The following CEP164 variants were observed in gnomAD, a reference collection of about 807,000 sequenced individuals.
CEP164 encodes centrosomal protein 164, also known as centrosomal protein of 164 kDa.
A neutral mutation model predicts 182.7 loss-of-function variants in CEP164; 162 were observed. The ratio of observed to expected loss-of-function variants is 0.89; its 90% CI spans 0.78 to 1.01. The LOEUF (loss-of-function observed/expected upper bound fraction) is 1.01, where lower values mean the gene tolerates loss of function less well. Among genes scored for constraint, CEP164 ranks in the 50% least tolerant of loss-of-function variants. The pLI is 0.00. For synonymous variants in CEP164, 661 were observed against 690.0 expected (o/e 0.96, Z 0.66); for missense variants, 1,735 against 1,790.4 (o/e 0.97, Z 0.56).
In CEP164 at chr11:117,394,360, A is replaced by G. The variant is rs752659513; in HGVS notation, c.2627A>G (p.Gln876Arg). ...REQYEAEERK[Q>R]RAELLGHLTG... Reference sequence around the variant, plus strand: ...CCACCCTCCTTGCAGGAGAGGAAGCAGCGGGCTGAGCTTCTGGGGCACCTG... The same window carrying G: ...CCACCCTCCTTGCAGGAGAGGAAGCGGCGGGCTGAGCTTCTGGGGCACCTG... The change falls in exon 21 of 33, where the codon CAG (glutamine) becomes CGG (arginine). Residue 876 changes from glutamine (Q) to arginine (R), a missense_variant. Gln to Arg is a conservative substitution (Grantham distance 43, BLOSUM62 1). Coordinates refer to ENST00000278935, the MANE Select transcript of CEP164 (RefSeq NM_014956.5). This position sits in a 1 kb window ranked among gnomAD's most constrained non-coding sequence, Gnocchi z 4.0. 71 of 1,600,960 alleles carry G rather than the reference A, an allele frequency of 4.4e-5. No individual in the cohort carries two copies. The South Asian group carries it at 7.0e-4, about 16-fold the overall frequency.
At chr11:117,348,045 C>T (rs900180493) in intron 4 of CEP164, among the ~76,000 whole-genome samples, 7 of 152,044 alleles carry the variant, frequency 4.6e-5, no homozygotes, top group Non-Finnish European at 7.4e-5. Context: ...TCATGACTCA[C>T]GGCACCCTCT....
chr11:117,404,546 C>A (rs1309097723), intron 27 of CEP164, among the ~76,000 whole-genome samples: 1 of 152,172 alleles, frequency 6.6e-6, no homozygotes, highest in African/African-American at 2.4e-5. Context: ...GAGGGGCACC[C>A]ACCAGATGCC....
chr11:117,396,089 T>C lies in CEP164; in HGVS notation c.3125T>C (p.Leu1042Pro). ...LEAEAQKKQH[L>P]LREVTVEENN... ...GCTGAAGCTCAAAAGAAGCAGCACC[T>C]GTTGAGAGAAGTGACAGTTGAGGAA... The change falls in exon 25 of 33, where the codon CTG becomes CCG. Residue 1042 changes from leucine (L) to proline (P), a missense_variant. Leu to Pro is a moderately conservative substitution (Grantham distance 98, BLOSUM62 -3). Transcript: ENST00000278935. 6.2e-7 allele frequency: 1 copy of C among 1,614,088 alleles called. No homozygotes were observed. Among genetic ancestry groups the C allele is most frequent in the Non-Finnish European group, 8.5e-7 (1 of 1,180,000 alleles).
chr11:117,343,237 G>A (rs2038377002), intron 3 of CEP164, among the ~76,000 whole-genome samples: 1 of 152,248 alleles, frequency 6.6e-6, no homozygotes, highest in Non-Finnish European at 1.5e-5. Flanking sequence ...CTTAATGGAA[G>A]GGAGGGTTCA....
intron 15 of CEP164, among the ~76,000 whole-genome samples, chr11:117,388,978 G>T (rs1192682610): frequency 6.6e-6 from 1 of 151,662 alleles, no homozygotes; most frequent in African/African-American, 2.4e-5. Context: ...CACTGGGTTA[G>T]CCAGGATGGT....
intron 3 of CEP164, among the ~76,000 whole-genome samples, chr11:117,342,896 A>G (rs1287650218): frequency 6.6e-6 from 1 of 151,854 alleles, no homozygotes; most frequent in Non-Finnish European, 1.5e-5. Context: ...TTTGTTTGAG[A>G]TGAAGTCTTG....
chr11:117,407,820 G>A, intron 27 of CEP164, 105 bp from the exon 28 acceptor site: 3 of 707,082 alleles, frequency 4.2e-6, no homozygotes, highest in Admixed American at 2.5e-5. Context: ...TGAGAAAGCA[G>A]ACTATAGTAA....
intron 27 of CEP164, among the ~76,000 whole-genome samples, chr11:117,398,292 G>T (rs2045728094): frequency 6.6e-6 from 1 of 152,204 alleles, no homozygotes; most frequent in Non-Finnish European, 1.5e-5. Context: ...GCTTTGCAGG[G>T]TACAGCAATG....
At chr11:117,357,773 C>T (rs1210100163) in intron 5 of CEP164, among the ~76,000 whole-genome samples, 1 of 151,618 alleles carries the variant, frequency 6.6e-6, no homozygotes, top group Non-Finnish European at 1.5e-5. Context: ...TCTCTGCCAT[C>T]CAGTGAGCTG....
intron 11 of CEP164, among the ~76,000 whole-genome samples, chr11:117,379,798 C>G (rs2043122038): frequency 6.7e-6 from 1 of 150,006 alleles, no homozygotes; most frequent in Admixed American, 6.6e-5. Flanking sequence ...ATGAATATTT[C>G]TCCCCTCCAG....
rs530136327 is a variant in CEP164 at position 117,363,456 on chromosome 11, A to G, written c.715A>G (p.Arg239Gly). 6.2e-7 allele frequency: 1 copy of G among 1,614,078 alleles called. No individual in the cohort carries two copies. Among genetic ancestry groups the G allele is most frequent in the African/African-American group, 1.3e-5 (1 of 75,056 alleles). ...QSVHSSSEPL[R>G]NLHLDIGALG... is the part of the protein sequence containing the mutation. Reference sequence around the variant, plus strand: ...TGTCCACAGCTCAAGTGAGCCTCTTAGGAACCTACACCTGGACATTGGGGC... The same window carrying G: ...TGTCCACAGCTCAAGTGAGCCTCTTGGGAACCTACACCTGGACATTGGGGC... Residue 239 changes from arginine to glycine, a missense_variant, in exon 8 of 33, where the codon AGG becomes GGG. Coordinates refer to ENST00000278935, the MANE Select transcript of CEP164 (RefSeq NM_014956.5).
intron 5 of CEP164, among the ~76,000 whole-genome samples, chr11:117,361,503 G>A (rs920205648): frequency 1.3e-5 from 2 of 152,020 alleles, no homozygotes; most frequent in African/African-American, 4.8e-5. Context: ...GCCTCCCAAA[G>A]TGGTAGGATT....
chr11:117,323,765 G>A (rs1003361721), upstream of CEP164: 1 of 224,978 alleles, frequency 4.4e-6, no homozygotes, highest in African/African-American at 2.3e-5. Flanking sequence ...GTTTTCCTTT[G>A]TCTGTTTTAT....
chr11:117,377,942 C>G (rs187089215), intron 11 of CEP164, among the ~76,000 whole-genome samples: 1 of 152,074 alleles, frequency 6.6e-6, no homozygotes, highest in Non-Finnish European at 1.5e-5. Context: ...TCACTGCAAC[C>G]TCCATCTCCT....
At position 117,394,338 on chromosome 11, in the gene CEP164, C is replaced by T. The variant is rs767325024; in HGVS notation, c.2617-12C>T. ...CCGCAGCTTCCCACCGGTGGGCCCACCCTCCTTGCAGGAGAGGAAGCAGCG... is the reference window on the plus strand; with the variant it reads ...CCGCAGCTTCCCACCGGTGGGCCCATCCTCCTTGCAGGAGAGGAAGCAGCG... On this transcript the variant is annotated splice_polypyrimidine_tract_variant and intron_variant, in intron 20 of 32. Coordinates refer to ENST00000278935, the MANE Select transcript of CEP164 (RefSeq NM_014956.5). The surrounding 1 kb of genome is among the most constrained non-coding windows in gnomAD (Gnocchi z 4.0). The T allele has an allele frequency of 1.9e-6, 3 of 1,586,610 alleles. No individual in the cohort carries two copies. The highest frequency in any genetic ancestry group is 1.7e-6 in the Non-Finnish European group (2 of 1,166,660).
chr11:117,382,031 G>A (rs1362515528), intron 13 of CEP164, among the ~76,000 whole-genome samples, 163 bp downstream of exon 13: 1 of 152,132 alleles, frequency 6.6e-6, no homozygotes, highest in Non-Finnish European at 1.5e-5. Context: ...AGCAGCAGAG[G>A]CTCTGCTTAG....
rs2042669971 is a variant in CEP164, at chr11:117,375,708, G to A, written c.1234G>A (p.Asp412Asn). 5 of 1,614,114 alleles carry A rather than the reference G, an allele frequency of 3.1e-6. No homozygotes were observed. Among genetic ancestry groups the A allele is most frequent in the Non-Finnish European group, 4.2e-6 (5 of 1,179,992 alleles). Residue 412 changes from aspartate (D) to asparagine (N), a missense_variant and splice_region_variant, in exon 11 of 33, where the codon GAC becomes AAC. Physicochemically the swap from Asp to Asn is conservative, Grantham distance 23. Coordinates refer to ENST00000278935, the MANE Select transcript of CEP164 (RefSeq NM_014956.5). ...ACCTTTGCATCTCCACTGTCTCCAG[G>A]ACTTCGGTTTTCGCAGCCGGATCTC... ...ASDPKSFHGLDFGFRSRISEH... is the reference protein window; with the variant it reads ...ASDPKSFHGLNFGFRSRISEH...
At chr11:117,396,497 C>G in intron 25 of CEP164, 53 bp from the exon 26 acceptor site, 1 of 1,462,060 alleles carries the variant, frequency 6.8e-7, no homozygotes, top group Admixed American at 1.7e-5. Flanking sequence ...CTTGAACCTG[C>G]AGGGTGTCTG....
rs2045107088 is a variant in CEP164 at position 117,394,209 on chromosome 11, C to T, written c.2617-141C>T. The T allele has an allele frequency of 1.2e-5, 14 of 1,157,546 alleles. No individual in the cohort carries two copies. In the South Asian group the frequency reaches 2.0e-4, roughly 16 times the overall value. The allele number at this position is 1,157,546 out of a possible 1,614,324, so 71.7% of individuals were successfully genotyped here. On this transcript the variant is annotated intron_variant, in intron 20 of 32. Transcript: ENST00000278935. The surrounding 1 kb of genome is among the most constrained non-coding windows in gnomAD (Gnocchi z 4.0). ...GGCCGGTGCTGTGCTTGTAACCCTC[C>T]TCTTCTCCAAGAGCTGGCTTTAGGG...
Sources: allele counts gnomAD v4.1 joint callset (sites outside exome capture counted in the v4.1 genomes callset), GRCh38; gene constraint gnomAD v4.1.1; non-coding constraint Gnocchi (gnomAD v3.1); transcripts MANE v1.5; gene names NCBI Gene and HGNC (gene_info 2026-07-23, HGNC 2026-07-21).